Variants in CLMN observed in about 807,000 individuals in gnomAD.
CLMN encodes the protein calmin (calponin-like, transmembrane).
CLMN carries 57 observed loss-of-function variants against 92.7 expected under a neutral mutation model. The ratio of observed to expected loss-of-function variants is 0.61; its 90% CI spans 0.50 to 0.77. The LOEUF is 0.77. Among genes scored for constraint, CLMN ranks in the 30% least tolerant of loss-of-function variants. The pLI is 0.00. For synonymous variants in CLMN, 466 were observed against 470.6 expected (o/e 0.99, Z 0.13); for missense variants, 1,158 against 1,237.5 (o/e 0.94, Z 0.96).
intron 6 of CLMN, among the ~76,000 whole-genome samples, chr14:95,212,062 AT>A (rs1195207211): frequency 6.6e-6 from 1 of 152,142 alleles, no homozygotes; most frequent in Non-Finnish European, 1.5e-5. Context: ...GGTGGTTCAC[AT>A]TTGTCAATTT....
rs1896914160 is a variant in CLMN at position 95,202,569 on chromosome 14, T to C, written c.2511+269A>G. The stretch of plus-strand genomic sequence containing the variant: ...GACCCTCAAAGGTGACCTCACTTGA[T>C]CCTCAGAGCATACCTGTGAGTAGGG... On this transcript the variant is annotated intron_variant, in intron 9 of 12. Coordinates refer to ENST00000298912, the MANE Select transcript of CLMN (RefSeq NM_024734.4). Among the ~76,000 whole-genome samples the C allele has an allele frequency of 7.2e-5, 11 of 152,188 alleles. No individual in the cohort carries two copies. In the South Asian group the frequency reaches 2.3e-3, roughly 32 times the overall value.
At chr14:95,270,076 A>G (rs1241247084) in intron 1 of CLMN, among the ~76,000 whole-genome samples, 5 of 152,216 alleles carry the variant, frequency 3.3e-5, no homozygotes, top group Admixed American at 3.3e-4. Context: ...CCAGGGTCAG[A>G]CAGCCAGGGA....
At chr14:95,281,606 T>C (rs1446843380) in intron 1 of CLMN, among the ~76,000 whole-genome samples, 3 of 152,210 alleles carry the variant, frequency 2.0e-5, no homozygotes, top group Non-Finnish European at 4.4e-5. Context: ...GTAAAAAATC[T>C]AGATTGATTT....
intron 1 of CLMN, among the ~76,000 whole-genome samples, chr14:95,281,062 A>G (rs533011739): frequency 6.6e-6 from 1 of 152,344 alleles, no homozygotes; most frequent in South Asian, 2.1e-4. Flanking sequence ...TCTCTTTTGG[A>G]TAACTAATAT....
intron 1 of CLMN, among the ~76,000 whole-genome samples, chr14:95,290,770 G>A (rs1032246555): frequency 2.0e-5 from 3 of 152,132 alleles, no homozygotes; most frequent in Non-Finnish European, 4.4e-5. Flanking sequence ...GGAAACCCAC[G>A]GACCTCCTTA....
Position 95,203,655 on chromosome 14 carries a change from T to A in CLMN, c.1694A>T (p.Lys565Ile). ...AAAATCTATTAGGTCGCTGTTAAAT[T>A]TTGAGGCTTTTAATGGGATGGCTTC... The part of the protein sequence containing the change: ...YFEAIPLKAS[K>I]FNSDLIDFAS... The change falls in exon 9 of 13, where the codon AAA becomes ATA. Residue 565 changes from lysine to isoleucine, a missense_variant. Lys to Ile is a moderately radical substitution (Grantham distance 102). Coordinates refer to ENST00000298912, the MANE Select transcript of CLMN (RefSeq NM_024734.4). 3.1e-6 allele frequency: 5 copies of A among 1,614,136 alleles called. No individual in the cohort carries two copies. Among genetic ancestry groups the A allele is most frequent in the Non-Finnish European group, 4.2e-6 (5 of 1,180,030 alleles).
chr14:95,204,023 C>T lies in CLMN; in HGVS notation c.1326G>A (p.Leu442=). 1 of 1,614,180 alleles carries T rather than the reference C, an allele frequency of 6.2e-7. No individual in the cohort carries two copies. Among genetic ancestry groups the T allele is most frequent in the Non-Finnish European group, 8.5e-7 (1 of 1,180,044 alleles). ...TTGGGCTCCCTTCAAAGCAAAGGGA[C>T]AGGTTCTTACTGCAGAAAGGATCCT... is the stretch of plus-strand genomic sequence containing the variant. ...TYKDPFCSKN[L]SLCFEGSPRV... Residue 442 remains leucine, a synonymous_variant, in exon 9 of 13, where the codon CTG becomes CTA. Coordinates refer to ENST00000298912, the MANE Select transcript of CLMN (RefSeq NM_024734.4).
intron 1 of CLMN, among the ~76,000 whole-genome samples, chr14:95,295,823 G>A (rs918152194): frequency 3.9e-5 from 6 of 152,196 alleles, no homozygotes; most frequent in Non-Finnish European, 8.8e-5. Flanking sequence ...AAAGTAATGT[G>A]CACCCAACTG....
intron 1 of CLMN, among the ~76,000 whole-genome samples, chr14:95,306,358 A>C (rs969059809): frequency 5.9e-5 from 9 of 151,572 alleles, no homozygotes; most frequent in African/African-American, 2.0e-4. Context: ...TGAAAACACA[A>C]AAAAATTAGC....
At position 95,221,894 on chromosome 14, in the gene CLMN, G is replaced by A. The variant is rs950906815; in HGVS notation, c.241-120C>T. On this transcript the variant is annotated intron_variant, in intron 3 of 12. Coordinates refer to ENST00000298912, the MANE Select transcript of CLMN (RefSeq NM_024734.4). ...CATGAATTTCAAGAAAAAGTTAGGG[G>A]CTCACAGCTAAAACCCACCTGGAAT... 1.5e-5 allele frequency: 14 copies of A among 951,514 alleles called. No homozygotes were observed. In the East Asian group the frequency reaches 3.1e-4, roughly 21 times the overall value. The allele number at this position is 951,514 out of a possible 1,614,324, so 58.9% of individuals were successfully genotyped here. A position where few individuals can be genotyped will look rare whatever the true frequency, so the allele number is the denominator to read the frequency against.
rs1465017307 is a variant in CLMN at position 95,189,003 on chromosome 14, G to C, written c.*2561C>G. The stretch of plus-strand genomic sequence containing the variant: ...ACACCAAAAAAAAAAAAAAAGTAAA[G>C]AGAGAGAATAGCAAATTAATGGGGA... On this transcript the variant is annotated 3_prime_UTR_variant, in exon 13 of 13. Coordinates refer to ENST00000298912, the MANE Select transcript of CLMN (RefSeq NM_024734.4). 1 of 147,638 alleles carries C rather than the reference G, an allele frequency of 6.8e-6. No individual in the cohort carries two copies. The highest frequency in any genetic ancestry group is 1.5e-5 in the Non-Finnish European group (1 of 66,984). 9.1% of individuals were successfully genotyped at this position (147,638 alleles called of 1,614,324 possible).
intron 1 of CLMN, among the ~76,000 whole-genome samples, chr14:95,272,673 G>A (rs1595082354): frequency 6.6e-6 from 1 of 152,176 alleles, no homozygotes; most frequent in East Asian, 1.9e-4. Context: ...GTCCAGCTGT[G>A]TGCCAAGCTC....
intron 9 of CLMN, among the ~76,000 whole-genome samples, chr14:95,198,093 A>G (rs1896775669): frequency 9.0e-6 from 1 of 110,518 alleles, no homozygotes; most frequent in Non-Finnish European, 1.7e-5. Flanking sequence ...TTTGTCTCCT[A>G]GGCTGGAGTG....
intron 1 of CLMN, among the ~76,000 whole-genome samples, chr14:95,306,266 C>A (rs190549466): frequency 6.6e-6 from 1 of 152,140 alleles, no homozygotes; most frequent in Admixed American, 6.5e-5. Context: ...AATCTCAGCA[C>A]TTTGGGAAGC....
Position 95,203,744 on chromosome 14 carries a change from G to A in CLMN, c.1605C>T (p.Ala535=), listed in dbSNP as rs147447560. 1.5e-5 allele frequency: 25 copies of A among 1,613,900 alleles called. No homozygotes were observed. In the African/African-American group the frequency reaches 2.0e-4, roughly 13 times the overall value. ...LSPPGENTVM[A]DSFQIKVNLM... ...GGTTAACCTTGATCTGGAAGGAATCGGCCATCACAGTATTTTCTCCTGGGG... is the reference window on the plus strand; with the variant it reads ...GGTTAACCTTGATCTGGAAGGAATCAGCCATCACAGTATTTTCTCCTGGGG... Residue 535 remains alanine (A), a synonymous_variant, in exon 9 of 13, where the codon GCC becomes GCT. Coordinates refer to ENST00000298912, the MANE Select transcript of CLMN (RefSeq NM_024734.4).
At chr14:95,311,555 C>G (rs557521455) in intron 1 of CLMN, among the ~76,000 whole-genome samples, 163 of 152,318 alleles carry the variant, frequency 1.1e-3, no homozygotes, top group African/African-American at 3.8e-3. Flanking sequence ...CTTGCTTTTT[C>G]TGTGCCTTGG....
intron 1 of CLMN, among the ~76,000 whole-genome samples, chr14:95,316,156 A>G (rs960663528): frequency 1.3e-5 from 2 of 152,304 alleles, no homozygotes; most frequent in Middle Eastern, 3.4e-3. Flanking sequence ...CAGACCTATT[A>G]ACACACCACC....
At chr14:95,318,320 T>G (rs1901884681) in intron 1 of CLMN, among the ~76,000 whole-genome samples, 1 of 152,104 alleles carries the variant, frequency 6.6e-6, no homozygotes, top group Non-Finnish European at 1.5e-5. Context: ...GAGATCACTT[T>G]CAACATCCCA....
Position 95,194,035 on chromosome 14 carries a change from C to A in CLMN, c.2770-116G>T. The A allele has an allele frequency of 6.6e-7, 1 of 1,507,640 alleles. No homozygotes were observed. Among genetic ancestry groups the A allele is most frequent in the South Asian group, 1.3e-5 (1 of 76,276 alleles). 93.4% of individuals were successfully genotyped at this position (1,507,640 alleles called of 1,614,324 possible). On this transcript the variant is annotated intron_variant, in intron 11 of 12. Transcript: ENST00000298912. This position sits in a 1 kb window ranked among gnomAD's most constrained non-coding sequence, Gnocchi z 4.0. ...AAAGCCGAGCATGCCGGGCATTTCT[C>A]AATACCGCCAGCGTCTAGATCCAAA...
Sources: allele counts gnomAD v4.1 joint callset (sites outside exome capture counted in the v4.1 genomes callset), GRCh38; gene constraint gnomAD v4.1.1; non-coding constraint Gnocchi (gnomAD v3.1); transcripts MANE v1.5; gene names NCBI Gene and HGNC (gene_info 2026-07-23, HGNC 2026-07-21).